Variants in CFAP299 observed in about 807,000 individuals in gnomAD.
CFAP299 encodes cilia and flagella associated protein 299.
Under a neutral mutation model 27.0 loss-of-function variants are expected in CFAP299, and 21 were observed. The observed-to-expected ratio is 0.78, with a 90% confidence interval of 0.55 to 1.12. CFAP299 has a LOEUF of 1.12. CFAP299 is among the 50% of genes most tolerant of loss of function. CFAP299 has a pLI of 0.00. For missense variants in CFAP299, 310 were observed against 276.6 expected (o/e 1.12, Z -0.86); for synonymous variants, 104 against 98.1 (o/e 1.06, Z -0.36).
chr4:80,452,145 T>A (rs1303825292), intron 2 of CFAP299, among the ~76,000 whole-genome samples: 1 of 152,134 alleles, frequency 6.6e-6, no homozygotes, highest in East Asian at 1.9e-4. Context: ...AAGCCTGACC[T>A]CTACCTCAGA....
chr4:80,837,984 C>G (rs946237512), intron 3 of CFAP299, among the ~76,000 whole-genome samples: 1 of 152,176 alleles, frequency 6.6e-6, no homozygotes, highest in Non-Finnish European at 1.5e-5. Context: ...AAAATGGTAT[C>G]TCATTGTGGT....
chr4:80,636,224 G>A (rs1184778280), intron 3 of CFAP299, among the ~76,000 whole-genome samples: 1 of 152,114 alleles, frequency 6.6e-6, no homozygotes, highest in African/African-American at 2.4e-5. Context: ...GGCCAGATCA[G>A]CAGCCTTAAC....
intron 3 of CFAP299, among the ~76,000 whole-genome samples, chr4:80,846,954 G>T (rs1467435078): frequency 3.9e-5 from 6 of 152,112 alleles, no homozygotes; most frequent in Non-Finnish European, 4.4e-5. Context: ...CTTAGCAATT[G>T]CATTCTTCTG....
At chr4:80,561,567 A>G (rs1688771952) in intron 2 of CFAP299, among the ~76,000 whole-genome samples, 1 of 152,058 alleles carries the variant, frequency 6.6e-6, no homozygotes, top group African/African-American at 2.4e-5. Context: ...TGATGCCACA[A>G]AGAAGGAAAT....
intron 2 of CFAP299, among the ~76,000 whole-genome samples, chr4:80,448,318 G>C (rs888244920): frequency 3.3e-5 from 5 of 152,150 alleles, no homozygotes; most frequent in African/African-American, 1.2e-4. Flanking sequence ...CCTAGTTCCT[G>C]CTAGTATTCA....
intron 2 of CFAP299, among the ~76,000 whole-genome samples, chr4:80,567,731 T>TTATATATATATATATATATATATATA (rs10605376): frequency 1.8e-4 from 27 of 148,822 alleles, no homozygotes; most frequent in African/African-American, 6.4e-4. Flanking sequence ...TCTAATGTAT[T>TTATATATATATATATATATATATATA]TATATATATA....
chr4:80,478,487 A>G (rs886307264), intron 2 of CFAP299, among the ~76,000 whole-genome samples: 3 of 152,150 alleles, frequency 2.0e-5, no homozygotes, highest in Non-Finnish European at 2.9e-5. Flanking sequence ...CATTATAATT[A>G]TTTTTAATTA....
intron 2 of CFAP299, among the ~76,000 whole-genome samples, chr4:80,512,432 A>C (rs2074948880): frequency 6.6e-6 from 1 of 152,112 alleles, no homozygotes; most frequent in Non-Finnish European, 1.5e-5. Flanking sequence ...CATGCTTATG[A>C]AGCACATATG....
chr4:80,517,763 A>G (rs1732657026), intron 2 of CFAP299, among the ~76,000 whole-genome samples: 1 of 152,178 alleles, frequency 6.6e-6, no homozygotes, highest in Non-Finnish European at 1.5e-5. Flanking sequence ...TTCAGTGGCC[A>G]AGGTATAGAA....
rs565829584 is a variant in CFAP299, at chr4:80,691,881, T to G, written c.333+108698T>G. On this transcript the variant is annotated intron_variant, in intron 3 of 5. Coordinates refer to ENST00000358105, the MANE Select transcript of CFAP299 (RefSeq NM_152770.3). ...CAAAATCAATGTACAAAAATCACAA[T>G]CATTCTTATACACCAACAACAGACA... Among the ~76,000 whole-genome samples, 454 of 152,152 alleles carry G rather than the reference T, an allele frequency of 3.0e-3. 1 individual carries two copies. Among genetic ancestry groups the G allele is most frequent in the African/African-American group, 0.01 (427 of 41,506 alleles).
At chr4:80,638,497 A>T (rs909576096) in intron 3 of CFAP299, among the ~76,000 whole-genome samples, 1 of 152,176 alleles carries the variant, frequency 6.6e-6, no homozygotes, top group Non-Finnish European at 1.5e-5. Context: ...AAGAAAAGGA[A>T]CTAGAGATCT....
At chr4:80,412,581 C>A (rs1469143021) in intron 2 of CFAP299, among the ~76,000 whole-genome samples, 1 of 152,072 alleles carries the variant, frequency 6.6e-6, no homozygotes, top group African/African-American at 2.4e-5. Context: ...AGAGAGAAAG[C>A]TGAAGGATTT....
chr4:80,495,401 A>G (rs1273645180), intron 2 of CFAP299, among the ~76,000 whole-genome samples: 1 of 152,202 alleles, frequency 6.6e-6, no homozygotes, highest in Admixed American at 6.5e-5. Context: ...AAAATTATTA[A>G]TGTGGGTAAA....
At chr4:80,841,096 TATTC>T (rs1342695794) in intron 3 of CFAP299, among the ~76,000 whole-genome samples, 2 of 152,172 alleles carry the variant, frequency 1.3e-5, no homozygotes, top group African/African-American at 4.8e-5. Flanking sequence ...GAAATAATCT[TATTC>T]ATCCATGTGC....
At chr4:80,616,584 C>G (rs1738296712) in intron 3 of CFAP299, among the ~76,000 whole-genome samples, 1 of 151,936 alleles carries the variant, frequency 6.6e-6, no homozygotes, top group Non-Finnish European at 1.5e-5. Flanking sequence ...TAAGTTGGGG[C>G]AGCCAGGACT....
intron 2 of CFAP299, among the ~76,000 whole-genome samples, chr4:80,433,519 A>G (rs1261898616): frequency 6.6e-6 from 1 of 152,212 alleles, no homozygotes; most frequent in Non-Finnish European, 1.5e-5. Context: ...TATTCTTCAA[A>G]TAAAAGCACA....
chr4:80,362,685 A>T, intron 1 of CFAP299, 69 bp from the exon 2 acceptor site: 1 of 1,489,328 alleles, frequency 6.7e-7, no homozygotes, highest in Non-Finnish European at 9.0e-7. Context: ...CAGATGTAAG[A>T]TATAAGTAAG....
At chr4:80,642,430 A>G (rs1019389254) in intron 3 of CFAP299, among the ~76,000 whole-genome samples, 1 of 152,174 alleles carries the variant, frequency 6.6e-6, no homozygotes, top group Non-Finnish European at 1.5e-5. Context: ...TGGGATCCAC[A>G]GTGCTAGAAT....
chr4:80,610,447 T>C (rs190512753), intron 3 of CFAP299, among the ~76,000 whole-genome samples: 1 of 152,224 alleles, frequency 6.6e-6, no homozygotes, highest in Non-Finnish European at 1.5e-5. Flanking sequence ...TTCTCATTTT[T>C]GTCTCCCATT....
Sources: allele counts gnomAD v4.1 joint callset (sites outside exome capture counted in the v4.1 genomes callset), GRCh38; gene constraint gnomAD v4.1.1; transcripts MANE v1.5; gene names NCBI Gene and HGNC (gene_info 2026-07-23, HGNC 2026-07-21).